ACSL3: variants seen among roughly 807,000 people sequenced by gnomAD.
ACSL3 encodes the protein acyl-CoA synthetase long chain family member 3.
Under a neutral mutation model 84.7 loss-of-function variants are expected in ACSL3, and 34 were observed. The observed-to-expected ratio is 0.40, with a 90% confidence interval of 0.31 to 0.53. The LOEUF is 0.53. Among genes scored for constraint, ACSL3 ranks in the 20% least tolerant of loss-of-function variants. ACSL3 has a pLI of 0.48. For synonymous variants in ACSL3, 315 were observed against 299.4 expected, an observed-to-expected ratio of 1.05 and a Z score of -0.54; for missense variants, 680 against 873.1, an observed-to-expected ratio of 0.78 and a Z score of 2.79.
chr2:222,921,173 A>T, intron 7 of ACSL3, 107 bp from the exon 8 acceptor site: 1 of 1,273,280 alleles, frequency 7.9e-7, no homozygotes, highest in Non-Finnish European at 1.1e-6. Flanking sequence ...ATTGAGTTAA[A>T]TTAACTCAAT....
chr2:222,898,178 CTTTTAT>C (rs2106108697), intron 2 of ACSL3, among the ~76,000 whole-genome samples: 1 of 152,208 alleles, frequency 6.6e-6, no homozygotes, highest in South Asian at 2.1e-4. Context: ...TGTTGCTTGA[CTTTTAT>C]TTTAATTTAT....
chr2:222,934,470 A>C, intron 15 of ACSL3, 60 bp from the exon 16 acceptor site: 1 of 1,332,874 alleles, frequency 7.5e-7, no homozygotes, highest in Non-Finnish European at 9.9e-7. Context: ...CTGTAATAAT[A>C]ACTGCAGTCA....
At chr2:222,891,863 TAAAATACCA>T in intron 2 of ACSL3, among the ~76,000 whole-genome samples, 1 of 152,322 alleles carries the variant, frequency 6.6e-6, no homozygotes, top group Middle Eastern at 3.4e-3. Context: ...TTCTTAAAAA[TAAAATACCA>T]AATTATTATT....
At chr2:222,919,797 C>T (rs1696683838) in intron 7 of ACSL3, among the ~76,000 whole-genome samples, 1 of 152,226 alleles carries the variant, frequency 6.6e-6, no homozygotes, top group African/African-American at 2.4e-5. Context: ...TAAGCATTCA[C>T]TCAACTCAAA....
In ACSL3 at chr2:222,866,185, C is replaced by G. The variant is rs201817519; in HGVS notation, c.-207+4927C>G. Among the ~76,000 whole-genome samples, 271 of 152,158 alleles carry G rather than the reference C, an allele frequency of 1.8e-3. 1 individual carries two copies. The highest frequency in any genetic ancestry group is 6.4e-3 in the African/African-American group (264 of 41,516). The stretch of plus-strand genomic sequence containing the variant: ...TTTTGAGACGGAGTCTCGCTCTGTC[C>G]CCCTGGCTGGAGTGCAGTGGCATGA... On this transcript the variant is annotated intron_variant, in intron 1 of 16. Transcript: ENST00000357430.
chr2:222,906,580 A>C (rs555227262), intron 3 of ACSL3, among the ~76,000 whole-genome samples: 2 of 149,926 alleles, frequency 1.3e-5, no homozygotes, highest in Admixed American at 6.6e-5. Flanking sequence ...GTAGTTGGTT[A>C]GTCTTTCACT....
At chr2:222,912,659 C>T (rs1475384491) in intron 4 of ACSL3, among the ~76,000 whole-genome samples, 1 of 152,096 alleles carries the variant, frequency 6.6e-6, no homozygotes, top group African/African-American at 2.4e-5. Context: ...AGCTTTGTTT[C>T]CATCTTATCC....
intron 11 of ACSL3, among the ~76,000 whole-genome samples, chr2:222,925,045 A>T (rs1696842325): frequency 6.7e-6 from 1 of 150,192 alleles, no homozygotes; most frequent in Admixed American, 6.7e-5. Context: ...AAAAAAAAAA[A>T]ATCCATCCTG....
intron 1 of ACSL3, among the ~76,000 whole-genome samples, chr2:222,875,383 G>C (rs533200301): frequency 6.6e-6 from 1 of 152,040 alleles, no homozygotes; most frequent in African/African-American, 2.4e-5. Flanking sequence ...ATATCTATTC[G>C]TCATGATTCA....
intron 2 of ACSL3, among the ~76,000 whole-genome samples, chr2:222,895,072 A>G (rs960268451): frequency 3.3e-5 from 5 of 152,066 alleles, no homozygotes; most frequent in Non-Finnish European, 7.4e-5. Context: ...TAGTGATTTC[A>G]ATATCGTTCT....
rs1487777263 is a variant in ACSL3 at position 222,943,834 on chromosome 2, A to T, written c.*2180A>T. The T allele has an allele frequency of 2.0e-5, 3 of 152,180 alleles. No individual in the cohort carries two copies. The highest frequency in any genetic ancestry group is 7.2e-5 in the African/African-American group (3 of 41,458). 9.4% of individuals were successfully genotyped at this position (152,180 alleles called of 1,614,324 possible). ...CACTCAATTATGACTCATATAAGAA[A>T]TACTGGTTTAACCAGGAGATATTTG... On this transcript the variant is annotated 3_prime_UTR_variant, in exon 17 of 17. Transcript: ENST00000357430.
At chr2:222,933,367 A>AT in intron 15 of ACSL3, 87 bp downstream of exon 15, 6 of 916,350 alleles carry the variant, frequency 6.5e-6, no homozygotes, top group Non-Finnish European at 9.8e-6. Flanking sequence ...CTTTGTAAAA[A>AT]TGTTCCGAGA....
At chr2:222,929,804 C>G (rs1005523832) in intron 13 of ACSL3, among the ~76,000 whole-genome samples, 1 of 151,386 alleles carries the variant, frequency 6.6e-6, no homozygotes, top group Middle Eastern at 3.4e-3. Context: ...AAGAAAGATT[C>G]TAAGGCTTGG....
In ACSL3 at chr2:222,941,694, A is replaced by C; in HGVS notation, c.*40A>C. 1 of 1,564,808 alleles carries C rather than the reference A, an allele frequency of 6.4e-7. No individual in the cohort carries two copies. Among genetic ancestry groups the C allele is most frequent in the Non-Finnish European group, 8.7e-7 (1 of 1,154,286 alleles). On this transcript the variant is annotated 3_prime_UTR_variant, in exon 17 of 17. Coordinates refer to ENST00000357430, the MANE Select transcript of ACSL3 (RefSeq NM_004457.5). ...CATCAGTTTGCTACAGTGAGCTCAG[A>C]TCAAATAGGAAAATACTTGAAATGC... is the stretch of plus-strand genomic sequence containing the variant.
intron 13 of ACSL3, among the ~76,000 whole-genome samples, chr2:222,929,888 A>G (rs1024859132): frequency 1.3e-5 from 2 of 148,978 alleles, no homozygotes; most frequent in East Asian, 2.0e-4. Flanking sequence ...TTTTGAAATT[A>G]TCTATAAGAA....
At chr2:222,902,431 A>C (rs1559288854) in intron 3 of ACSL3, among the ~76,000 whole-genome samples, 2 of 152,196 alleles carry the variant, frequency 1.3e-5, no homozygotes, top group African/African-American at 4.8e-5. Flanking sequence ...ATTAAAATAT[A>C]ATTCAAATCC....
chr2:222,889,651 TGA>T (rs1695798914), intron 2 of ACSL3, among the ~76,000 whole-genome samples: 1 of 152,226 alleles, frequency 6.6e-6, no homozygotes, highest in East Asian at 1.9e-4. Flanking sequence ...GTGACCTAGA[TGA>T]GAAGTATGGA....
At chr2:222,889,420 CATGAACT>C (rs532014890) in intron 2 of ACSL3, among the ~76,000 whole-genome samples, 58 of 152,200 alleles carry the variant, frequency 3.8e-4, no homozygotes, top group Non-Finnish European at 5.6e-4. Context: ...AAGGGAATGT[CATGAACT>C]ACTTGGGAAA....
chr2:222,920,266 G>A (rs1042300027), intron 7 of ACSL3, among the ~76,000 whole-genome samples: 1 of 152,104 alleles, frequency 6.6e-6, no homozygotes, highest in Non-Finnish European at 1.5e-5. Context: ...GGAGAGGAAG[G>A]GTATTCTATT....
Sources: allele counts gnomAD v4.1 joint callset (sites outside exome capture counted in the v4.1 genomes callset), GRCh38; gene constraint gnomAD v4.1.1; transcripts MANE v1.5; gene names NCBI Gene and HGNC (gene_info 2026-07-23, HGNC 2026-07-21).